The following ATP11C variants were observed in gnomAD, a reference collection of about 807,000 sequenced individuals.
The protein encoded by ATP11C is phospholipid-transporting ATPase IG.
A neutral mutation model predicts 97.4 loss-of-function variants in ATP11C; 36 were observed. The ratio of observed to expected loss-of-function variants is 0.37; its 90% CI spans 0.28 to 0.49. ATP11C has a LOEUF of 0.49. Ranked by LOEUF, ATP11C falls within the 20% of genes least tolerant of loss-of-function variation. The pLI is 0.98. For missense variants in ATP11C, 730 were observed against 824.6 expected (o/e 0.89, Z 1.40); for synonymous variants, 275 against 290.9 (o/e 0.95, Z 0.56).
intron 18 of ATP11C, among the ~76,000 whole-genome samples, chrX:139,781,505 C>A (rs2082457338): frequency 9.0e-6 from 1 of 111,478 alleles, no homozygotes; most frequent in South Asian, 3.7e-4. Context: ...TTGAGGCCAG[C>A]AGTTCAAGAC....
At chrX:139,886,677 C>A (rs1178431995) in intron 1 of ATP11C, among the ~76,000 whole-genome samples, 2 of 108,868 alleles carry the variant, frequency 1.8e-5, no homozygotes, top group African/African-American at 3.3e-5. Flanking sequence ...AAGATTTGTA[C>A]GTTGAAAAGT....
chrX:139,806,917 T>C (rs1489768887), intron 5 of ATP11C, among the ~76,000 whole-genome samples: 1 of 110,240 alleles, frequency 9.1e-6, no homozygotes, highest in African/African-American at 3.3e-5. Context: ...AGAGGAGAGG[T>C]AGAAACAAAA....
rs750601852 is a variant in ATP11C, at chrX:139,804,626, T to G, written c.427-27A>C. On this transcript the variant is annotated intron_variant, in intron 5 of 29. Coordinates refer to ENST00000682941, the MANE Select transcript of ATP11C (RefSeq NM_001353812.2). ...TGGAATTGAGAAATAAATATAAATA[T>G]TTTAAATTCCAAACAAAGCATTCAT... 7.4e-5 allele frequency: 84 copies of G among 1,138,588 alleles called. No individual in the cohort carries two copies. In the South Asian group the frequency reaches 1.8e-3, roughly 24 times the overall value. 93.8% of individuals were successfully genotyped at this position (1,138,588 alleles called of 1,213,427 possible).
intron 5 of ATP11C, among the ~76,000 whole-genome samples, chrX:139,807,697 AC>A (rs1327707472): frequency 9.0e-6 from 1 of 111,511 alleles, no homozygotes; most frequent in Non-Finnish European, 1.9e-5. Flanking sequence ...CATCTATATT[AC>A]CAGCACTCTG....
chrX:139,835,795 G>A (rs377291968), intron 1 of ATP11C, among the ~76,000 whole-genome samples: 10 of 106,155 alleles, frequency 9.4e-5, no homozygotes, highest in South Asian at 4.3e-4. Context: ...TTGGGAAGCC[G>A]AGGTGGGTGG....
At chrX:139,895,499 A>G (rs1413641434) in intron 1 of ATP11C, among the ~76,000 whole-genome samples, 1 of 111,533 alleles carries the variant, frequency 9.0e-6, no homozygotes, top group Admixed American at 9.5e-5. Flanking sequence ...TGAACTCCTG[A>G]CCTCAAGTGA....
At chrX:139,763,781 C>G (rs1404338890) in intron 20 of ATP11C, among the ~76,000 whole-genome samples, 1 of 111,943 alleles carries the variant, frequency 8.9e-6, no homozygotes, top group Non-Finnish European at 1.9e-5. Flanking sequence ...TTGTTTGGAT[C>G]TGTGGATGCA....
intron 1 of ATP11C, among the ~76,000 whole-genome samples, chrX:139,915,286 T>C (rs912279772): frequency 4.5e-5 from 5 of 111,674 alleles, no homozygotes; most frequent in African/African-American, 1.6e-4. Context: ...AATAATAACA[T>C]TAAAAGTACT....
At chrX:139,737,809 G>A (rs774972424) in intron 28 of ATP11C, 107 bp downstream of exon 28, 1 of 834,441 alleles carries the variant, frequency 1.2e-6, no homozygotes, top group East Asian at 3.2e-5. Context: ...GTAAGGAGGG[G>A]TTTAACATGC....
At chrX:139,906,746 C>T (rs2084984724) in intron 1 of ATP11C, among the ~76,000 whole-genome samples, 1 of 108,582 alleles carries the variant, frequency 9.2e-6, no homozygotes, top group South Asian at 4.0e-4. Flanking sequence ...CATACCACTG[C>T]ACTCCAGCCT....
intron 1 of ATP11C, among the ~76,000 whole-genome samples, chrX:139,916,228 T>TAAAA (rs71974305): frequency 1.1e-5 from 1 of 91,865 alleles, no homozygotes. Flanking sequence ...GACTCTGTCT[T>TAAAA]AAAAAAAAAA....
chrX:139,891,197 C>CAAAAAAAAA, intron 1 of ATP11C, among the ~76,000 whole-genome samples: 1 of 35,493 alleles, frequency 2.8e-5, no homozygotes, highest in Non-Finnish European at 5.0e-5. Context: ...AGAGATTGGC[C>CAAAAAAAAA]AAAAAAAAAA....
chrX:139,743,202 C>G (rs914885998), intron 26 of ATP11C, among the ~76,000 whole-genome samples: 1 of 110,166 alleles, frequency 9.1e-6, no homozygotes, highest in Admixed American at 9.8e-5. Context: ...CTCTCTCTCT[C>G]TCTCTCGCTC....
chrX:139,838,874 G>A (rs2083786413), intron 1 of ATP11C, among the ~76,000 whole-genome samples: 1 of 110,437 alleles, frequency 9.1e-6, no homozygotes, highest in Admixed American at 9.6e-5. Flanking sequence ...CTTGAACCCA[G>A]GAGGCAGAGA....
intron 12 of ATP11C, among the ~76,000 whole-genome samples, chrX:139,790,460 T>TCACACA (rs1218764388): frequency 1.1e-5 from 1 of 94,920 alleles, no homozygotes; most frequent in African/African-American, 4.4e-5. Flanking sequence ...TCTCTCTCTC[T>TCACACA]CACTCACACA....
At chrX:139,763,500 T>G in intron 20 of ATP11C, 82 bp from the exon 21 acceptor site, 1 of 683,346 alleles carries the variant, frequency 1.5e-6, no homozygotes, top group East Asian at 3.4e-5. Context: ...TATGCCTCAT[T>G]CACACTTGTA....
chrX:139,896,718 G>A (rs763118950), intron 1 of ATP11C, among the ~76,000 whole-genome samples: 2 of 107,113 alleles, frequency 1.9e-5, no homozygotes, highest in East Asian at 6.0e-4. Context: ...TGGGTTCAGC[G>A]ATTTTCAAGT....
chrX:139,747,841 G>A (rs1213778892), intron 24 of ATP11C, among the ~76,000 whole-genome samples: 3 of 111,944 alleles, frequency 2.7e-5, no homozygotes, highest in Admixed American at 9.5e-5. Context: ...CAGGCCAAGA[G>A]CAGTGTCTTG....
At chrX:139,747,925 T>C (rs1188483338) in intron 24 of ATP11C, among the ~76,000 whole-genome samples, 1 of 111,894 alleles carries the variant, frequency 8.9e-6, no homozygotes, top group East Asian at 2.8e-4. Context: ...GCAATAGGTA[T>C]GCCATGGCCT....
Sources: allele counts gnomAD v4.1 joint callset (sites outside exome capture counted in the v4.1 genomes callset), GRCh38; gene constraint gnomAD v4.1.1; transcripts MANE v1.5; gene names NCBI Gene and HGNC (gene_info 2026-07-23, HGNC 2026-07-21).